MGMT: variants seen among roughly 807,000 people sequenced by gnomAD.
The protein encoded by MGMT is methylated-DNA--protein-cysteine methyltransferase.
MGMT carries 14 observed loss-of-function variants against 15.9 expected under a neutral mutation model. The observed-to-expected ratio is 0.88, with a 90% CI of 0.58 to 1.37. MGMT has a LOEUF of 1.37. Among genes scored for constraint, MGMT ranks in the 40% most tolerant of loss-of-function variants. The probability of loss-of-function intolerance (pLI) is 0.00; values close to 1 mark genes in which losing one functional copy is unlikely to be tolerated. For synonymous variants in MGMT, 130 were observed against 118.2 expected (o/e 1.10, Z -0.65); for missense variants, 282 against 268.1 (o/e 1.05, Z -0.36).
chr10:129,503,499 T>C (rs138408232), intron 1 of MGMT, among the ~76,000 whole-genome samples: 1 of 152,356 alleles, frequency 6.6e-6, no homozygotes, highest in Non-Finnish European at 1.5e-5. Flanking sequence ...TGAAATGTGG[T>C]GTTGCAATAA....
intron 3 of MGMT, chr10:129,715,569 C>T (rs1037861040): frequency 2.0e-5 from 3 of 152,202 alleles, no homozygotes; most frequent in Non-Finnish European, 4.4e-5. Context: ...ACCTTCGTCT[C>T]TTTTGTCGTC....
chr10:129,471,603 A>G (rs186172636), intron 1 of MGMT, among the ~76,000 whole-genome samples: 3 of 152,090 alleles, frequency 2.0e-5, no homozygotes, highest in Non-Finnish European at 2.9e-5. Flanking sequence ...TTCACAGGCA[A>G]CAGTGGAGGA....
chr10:129,542,278 C>G (rs755939984), intron 2 of MGMT, among the ~76,000 whole-genome samples: 1 of 152,164 alleles, frequency 6.6e-6, no homozygotes, highest in Non-Finnish European at 1.5e-5. Context: ...CCTGCCGAGT[C>G]TGTGCTGCCA....
In MGMT at chr10:129,641,140, G is replaced by T. The variant is rs564126646; in HGVS notation, c.126-66755G>T. Among the ~76,000 whole-genome samples the T allele has an allele frequency of 5.3e-5, 8 of 152,064 alleles. No homozygotes were observed. In the South Asian group the frequency reaches 1.2e-3, roughly 24 times the overall value. ...AATTCCCAAAAACCTACAAAACTAC[G>T]CAACATACAAAAACCAATTGCCTTT... On this transcript the variant is annotated intron_variant, in intron 2 of 4. Coordinates refer to ENST00000651593, the MANE Select transcript of MGMT (RefSeq NM_002412.5).
chr10:129,701,100 G>A (rs1271211258), intron 2 of MGMT: 3 of 152,152 alleles, frequency 2.0e-5, no homozygotes, highest in Admixed American at 6.5e-5. Context: ...TGTGTGTGGC[G>A]AGGCCACTAA....
intron 2 of MGMT, among the ~76,000 whole-genome samples, chr10:129,602,189 A>C (rs1316705188): frequency 1.3e-5 from 2 of 152,318 alleles, no homozygotes; most frequent in Middle Eastern, 3.4e-3. Context: ...ATATACATTT[A>C]AAATCTTCAT....
intron 3 of MGMT, among the ~76,000 whole-genome samples, chr10:129,714,712 A>G (rs1169057791): frequency 6.6e-5 from 10 of 152,170 alleles, no homozygotes. Flanking sequence ...ACTAAGCCTA[A>G]CATTCCTAAT....
chr10:129,645,291 TG>T (rs1847374929), intron 2 of MGMT, among the ~76,000 whole-genome samples: 6 of 152,080 alleles, frequency 3.9e-5, no homozygotes, highest in Admixed American at 3.9e-4. Flanking sequence ...AGCTGATTTT[TG>T]TATTTTTTTG....
At chr10:129,707,699 A>C (rs1372197542) in intron 2 of MGMT, among the ~76,000 whole-genome samples, 196 bp from the exon 3 acceptor site, 1 of 152,146 alleles carries the variant, frequency 6.6e-6, no homozygotes, top group Non-Finnish European at 1.5e-5. Context: ...GGAGGCCTGA[A>C]GGTGGAGAGT....
At chr10:129,608,232 T>G (rs1045817686) in intron 2 of MGMT, among the ~76,000 whole-genome samples, 5 of 152,240 alleles carry the variant, frequency 3.3e-5, no homozygotes, top group African/African-American at 1.2e-4. Flanking sequence ...GCTGTTGAAT[T>G]TACTAGTATA....
intron 3 of MGMT, among the ~76,000 whole-genome samples, chr10:129,734,786 G>A (rs1848541539): frequency 6.6e-6 from 1 of 152,036 alleles, no homozygotes; most frequent in Non-Finnish European, 1.5e-5. Context: ...GTTGAATTTT[G>A]TCAAAGGCCT....
chr10:129,666,812 C>G (rs1352288232), intron 2 of MGMT, among the ~76,000 whole-genome samples: 4 of 152,156 alleles, frequency 2.6e-5, no homozygotes, highest in African/African-American at 4.8e-5. Context: ...GCCTACCCAA[C>G]AGTTGTAGAA....
chr10:129,660,614 T>A (rs1206435902), intron 2 of MGMT, among the ~76,000 whole-genome samples: 1 of 152,176 alleles, frequency 6.6e-6, no homozygotes, highest in Non-Finnish European at 1.5e-5. Flanking sequence ...CCTCCACCAT[T>A]ATCTGAATTG....
At chr10:129,564,546 T>C in intron 2 of MGMT, among the ~76,000 whole-genome samples, 1 of 78,272 alleles carries the variant, frequency 1.3e-5, no homozygotes, top group Admixed American at 1.4e-4. Flanking sequence ...CTCCACTTCC[T>C]CATCTTCCTC....
At chr10:129,505,484 A>G (rs1314696662) in intron 1 of MGMT, among the ~76,000 whole-genome samples, 1 of 152,194 alleles carries the variant, frequency 6.6e-6, no homozygotes, top group East Asian at 1.9e-4. Flanking sequence ...TTAAGGCTGA[A>G]TTTTAGGGGT....
chr10:129,564,736 G>C (rs372320858), intron 2 of MGMT, among the ~76,000 whole-genome samples: 4,532 of 109,388 alleles, frequency 0.041, 117 homozygotes, highest in South Asian at 0.083. Flanking sequence ...CTTTTCCTCT[G>C]TCTTCCTGTT....
Position 129,536,343 on chromosome 10 carries a change from A to G in MGMT, c.91A>G (p.Ile31Val). The change falls in exon 2 of 5, where the codon ATA (isoleucine) becomes GTA (valine). Residue 31 changes from isoleucine (I) to valine (V), a missense_variant. Coordinates refer to ENST00000651593, the MANE Select transcript of MGMT (RefSeq NM_002412.5). ...TGGTTGTGAGCAGGGTCTGCACGAAATAAAGCTCCTGGGCAAGGGGACGTC... is the reference window on the plus strand; with the variant it reads ...TGGTTGTGAGCAGGGTCTGCACGAAGTAAAGCTCCTGGGCAAGGGGACGTC... ...LSGCEQGLHE[I>V]KLLGKGTSAA... 1 of 1,614,114 alleles carries G rather than the reference A, an allele frequency of 6.2e-7. No individual in the cohort carries two copies. Among genetic ancestry groups the G allele is most frequent in the Non-Finnish European group, 8.5e-7 (1 of 1,180,022 alleles).
At chr10:129,545,920 G>A (rs926306693) in intron 2 of MGMT, among the ~76,000 whole-genome samples, 18 of 152,186 alleles carry the variant, frequency 1.2e-4, no homozygotes, top group African/African-American at 9.6e-5. Flanking sequence ...TAGCTCTTGC[G>A]TGCTGATCAG....
intron 2 of MGMT, among the ~76,000 whole-genome samples, chr10:129,665,704 G>A (rs990017663): frequency 6.6e-6 from 1 of 152,124 alleles, no homozygotes; most frequent in African/African-American, 2.4e-5. Context: ...TGTGACTGTA[G>A]GTGTTTGTCA....
Sources: allele counts gnomAD v4.1 joint callset (sites outside exome capture counted in the v4.1 genomes callset), GRCh38; gene constraint gnomAD v4.1.1; transcripts MANE v1.5; gene names NCBI Gene and HGNC (gene_info 2026-07-23, HGNC 2026-07-21).